POC1B: variants seen among roughly 807,000 people sequenced by gnomAD.
POC1B encodes the protein POC1 centriolar protein B, also known as POC1 centriolar protein homolog B.
In POC1B, 44 loss-of-function variants were observed where a neutral mutation model predicts 60.6. That is an observed-to-expected ratio of 0.73 (90% CI 0.57 to 0.93). The LOEUF (loss-of-function observed/expected upper bound fraction) is 0.93. POC1B is among the 40% of genes least tolerant of loss of function. The pLI, the probability that POC1B is intolerant of heterozygous loss-of-function variation, is 0.00. For synonymous variants in POC1B, 180 were observed against 198.9 expected, an observed-to-expected ratio of 0.90 and a Z score of 0.80; for missense variants, 555 against 572.3, an observed-to-expected ratio of 0.97 and a Z score of 0.31.
intron 9 of POC1B, among the ~76,000 whole-genome samples, chr12:89,463,143 C>A (rs1882538962): frequency 6.6e-6 from 1 of 152,118 alleles, no homozygotes; most frequent in Non-Finnish European, 1.5e-5. Context: ...AGGTAAAGGA[C>A]ATTTTCCTTC....
At chr12:89,405,847 TG>T in the POC1B span, among the ~76,000 whole-genome samples, 11 of 151,874 alleles carry the variant, frequency 7.2e-5, no homozygotes, top group Non-Finnish European at 1.6e-4. Context: ...CCCAGATACT[TG>T]GGAGGCTGAG....
chr12:89,407,477 A>G, the POC1B span, among the ~76,000 whole-genome samples: 17 of 152,210 alleles, frequency 1.1e-4, no homozygotes, highest in East Asian at 3.3e-3. Flanking sequence ...ACCTCGAGTG[A>G]TCCATGGGCC....
At chr12:89,434,493 C>T (rs1881169220) in intron 10 of POC1B, among the ~76,000 whole-genome samples, 1 of 152,150 alleles carries the variant, frequency 6.6e-6, no homozygotes. Flanking sequence ...TAAAAATTTC[C>T]TTCTATGTTT....
intron 4 of POC1B, among the ~76,000 whole-genome samples, chr12:89,489,204 G>A (rs372456469): frequency 3.3e-5 from 5 of 152,170 alleles, no homozygotes; most frequent in South Asian, 2.1e-4. Context: ...GAGGTGCACC[G>A]TTCTAAGTGC....
At chr12:89,497,944 C>T (rs138756644) in intron 2 of POC1B, among the ~76,000 whole-genome samples, 9 of 152,232 alleles carry the variant, frequency 5.9e-5, no homozygotes, top group East Asian at 3.9e-4. Context: ...CAAACACATA[C>T]GTATTTTTTT....
intron 2 of POC1B, chr12:89,521,881 AG>A: frequency 5.0e-6 from 2 of 397,934 alleles, no homozygotes; most frequent in Non-Finnish European, 8.9e-6. Flanking sequence ...GGTAGAACCT[AG>A]CCCACTTTCA....
intron 4 of POC1B, among the ~76,000 whole-genome samples, chr12:89,474,164 C>G (rs898172603): frequency 1.3e-5 from 2 of 151,828 alleles, no homozygotes; most frequent in African/African-American, 2.4e-5. Flanking sequence ...CGAGATTGCA[C>G]CACTGCACTC....
intron 9 of POC1B, 24 bp downstream of exon 9, chr12:89,466,746 G>T: frequency 6.3e-7 from 1 of 1,588,212 alleles, no homozygotes. Context: ...CAAAATGTAG[G>T]ACAAATATGA....
chr12:89,438,798 A>C (rs1332283508), intron 10 of POC1B, among the ~76,000 whole-genome samples: 1 of 152,214 alleles, frequency 6.6e-6, no homozygotes, highest in East Asian at 1.9e-4. Context: ...TACATGCAGA[A>C]TACTCACTTA....
chr12:89,431,104 G>A (rs922731055), intron 10 of POC1B, among the ~76,000 whole-genome samples: 71 of 151,896 alleles, frequency 4.7e-4, no homozygotes, highest in African/African-American at 1.6e-3. Flanking sequence ...TCTAACAAAT[G>A]TGAGTGCAAA....
the POC1B span, among the ~76,000 whole-genome samples, chr12:89,410,105 C>T: frequency 2.0e-5 from 3 of 152,194 alleles, no homozygotes; most frequent in South Asian, 6.2e-4. Context: ...AGCCTATCTA[C>T]TACGATCAGG....
At chr12:89,464,990 T>C (rs1882632289) in intron 9 of POC1B, among the ~76,000 whole-genome samples, 1 of 152,090 alleles carries the variant, frequency 6.6e-6, no homozygotes, top group Non-Finnish European at 1.5e-5. Flanking sequence ...GCTGACTACC[T>C]TAAGGTCACA....
intron 10 of POC1B, among the ~76,000 whole-genome samples, chr12:89,434,158 C>T (rs1305721769): frequency 6.6e-6 from 1 of 152,150 alleles, no homozygotes; most frequent in East Asian, 1.9e-4. Flanking sequence ...TGAATTAAGA[C>T]TTGTTTGTCC....
At chr12:89,522,657 G>A in intron 2 of POC1B, 3 of 872,752 alleles carry the variant, frequency 3.4e-6, no homozygotes, top group Non-Finnish European at 4.9e-6. Context: ...CCCAGTTTCA[G>A]TGTGATATAC....
intron 3 of POC1B, among the ~76,000 whole-genome samples, chr12:89,496,008 G>C (rs575194273): frequency 6.6e-6 from 1 of 152,218 alleles, no homozygotes; most frequent in South Asian, 2.1e-4. Flanking sequence ...TGATCTGCCT[G>C]CCTTGGCCTC....
chr12:89,409,944 A>G, the POC1B span, among the ~76,000 whole-genome samples: 8 of 152,222 alleles, frequency 5.3e-5, no homozygotes, highest in African/African-American at 1.9e-4. Flanking sequence ...ACTCCTCCCT[A>G]TCTCATTTTA....
rs1352502558 is a variant in POC1B at position 89,522,099 on chromosome 12, G to A, written c.100+3021C>T. 1.5e-5 allele frequency: 6 copies of A among 398,940 alleles called. No individual in the cohort carries two copies. The South Asian group carries it at 7.6e-4, about 51-fold the overall frequency. The allele number at this position is 398,940 out of a possible 1,614,324, so 24.7% of individuals were successfully genotyped here. Reference sequence around the variant, plus strand: ...AGAGAAGACAGCTTACAAAATCAGAGGAATCTGAGGTATTAATATATACAT... The same window carrying A: ...AGAGAAGACAGCTTACAAAATCAGAAGAATCTGAGGTATTAATATATACAT... On this transcript the variant is annotated intron_variant, in intron 2 of 11. Coordinates refer to ENST00000313546, the MANE Select transcript of POC1B (RefSeq NM_172240.3).
chr12:89,412,602 G>A, the POC1B span, among the ~76,000 whole-genome samples: 1 of 151,472 alleles, frequency 6.6e-6, no homozygotes, highest in African/African-American at 2.4e-5. Flanking sequence ...GCTTGAACCC[G>A]GGAGGTGGAA....
chr12:89,497,448 AGCG>A, intron 2 of POC1B, 106 bp from the exon 3 acceptor site: 1 of 1,201,348 alleles, frequency 8.3e-7, no homozygotes, highest in South Asian at 1.5e-5. Flanking sequence ...CAGGTAATAG[AGCG>A]GCTGGAGGTT....
Sources: gnomAD v4.1 joint callset for allele counts (sites outside exome capture counted in the v4.1 genomes callset) on GRCh38, gnomAD v4.1.1 for gene constraint, MANE v1.5 for transcripts, NCBI Gene and HGNC (gene_info 2026-07-23, HGNC 2026-07-21) for gene names.